CADM2: variants seen among roughly 807,000 people sequenced by gnomAD.
CADM2 encodes the protein immunoglobulin superfamily member 4D.
In CADM2, 12 loss-of-function variants were observed where a neutral mutation model predicts 49.8. The ratio of observed to expected loss-of-function variants is 0.24; its 90% CI spans 0.15 to 0.39. The LOEUF is 0.39. CADM2 is among the 10% of genes least tolerant of loss of function. The probability of loss-of-function intolerance (pLI) is 1.00; values close to 1 mark genes in which losing one functional copy is unlikely to be tolerated. For synonymous variants in CADM2, 214 were observed against 175.4 expected, an observed-to-expected ratio of 1.22 and a Z score of -1.74; for missense variants, 378 against 492.3, an observed-to-expected ratio of 0.77 and a Z score of 2.20.
At chr3:85,562,478 C>CAAAA (rs10533481) in intron 1 of CADM2, among the ~76,000 whole-genome samples, 3 of 65,502 alleles carry the variant, frequency 4.6e-5, no homozygotes, top group African/African-American at 1.6e-4. Context: ...AACTCCATCT[C>CAAAA]AAAAAAAAAA....
At chr3:85,616,834 G>T (rs1235272000) in intron 1 of CADM2, among the ~76,000 whole-genome samples, 1 of 152,152 alleles carries the variant, frequency 6.6e-6, no homozygotes, top group Non-Finnish European at 1.5e-5. Context: ...AGGGGAACCT[G>T]TTATTCTATT....
At chr3:85,440,339 G>A (rs1484253952) in intron 1 of CADM2, among the ~76,000 whole-genome samples, 1 of 152,168 alleles carries the variant, frequency 6.6e-6, no homozygotes, top group African/African-American at 2.4e-5. Context: ...AGAACAGGCA[G>A]TACTTAACCT....
chr3:85,759,083 TCAAA>T (rs1411349805), intron 2 of CADM2, among the ~76,000 whole-genome samples: 3 of 151,948 alleles, frequency 2.0e-5, no homozygotes, highest in African/African-American at 4.8e-5. Context: ...AGAGAGGGAA[TCAAA>T]CAGAGGCTGA....
At position 85,616,444 on chromosome 3, in the gene CADM2, A is replaced by T. The variant is rs187334966; in HGVS notation, c.62-110078A>T. 3.9e-3 allele frequency among the ~76,000 whole-genome samples: 594 copies of T among 152,254 alleles called. 3 individuals carry two copies. Among genetic ancestry groups the T allele is most frequent in the African/African-American group, 0.013 (532 of 41,568 alleles). ...TACAAAGATATGTCTCTCTGGTTAA[A>T]TTGAATGGTTATAATTATGAAATTT... On this transcript the variant is annotated intron_variant, in intron 1 of 9. Coordinates refer to ENST00000383699, the MANE Select transcript of CADM2 (RefSeq NM_001167675.2).
At position 86,014,707 on chromosome 3, in the gene CADM2, A is replaced by G. The variant is rs1731987871; in HGVS notation, c.971-50898A>G. The G allele has an allele frequency of 2.0e-6, 3 of 1,524,446 alleles. No individual in the cohort carries two copies. In the South Asian group the frequency reaches 3.9e-5, roughly 20 times the overall value. 94.4% of individuals were successfully genotyped at this position (1,524,446 alleles called of 1,614,324 possible). ...AAATTCAATACACCGGAGGAACACC[A>G]TGCTGACATGTGTAGAAGTGACTTA... On this transcript the variant is annotated intron_variant, in intron 8 of 9. Coordinates refer to ENST00000383699, the MANE Select transcript of CADM2 (RefSeq NM_001167675.2).
intron 1 of CADM2, among the ~76,000 whole-genome samples, chr3:85,194,940 TA>T (rs2041305217): frequency 6.6e-6 from 1 of 152,076 alleles, no homozygotes; most frequent in African/African-American, 2.4e-5. Context: ...ACTCCTGGGC[TA>T]AAGCAATCCT....
intron 1 of CADM2, among the ~76,000 whole-genome samples, chr3:85,718,578 T>C (rs2067379841): frequency 6.6e-6 from 1 of 152,088 alleles, no homozygotes; most frequent in Non-Finnish European, 1.5e-5. Context: ...ACTCATGAAC[T>C]TTAAAGAGAT....
chr3:85,287,988 C>A (rs1013263318), intron 1 of CADM2, among the ~76,000 whole-genome samples: 1 of 151,366 alleles, frequency 6.6e-6, no homozygotes, highest in Non-Finnish European at 1.5e-5. Context: ...AGGAGATATA[C>A]CTAATGTAAA....
In CADM2 at chr3:85,883,577, T is replaced by C. The variant is rs1244230938; in HGVS notation, c.391+134T>C. ...ATGGTTTAATCCTTTCTCTGCTACA[T>C]TTTAACACAGGCGTTTTAAAATCAT... On this transcript the variant is annotated intron_variant, in intron 4 of 9. Coordinates refer to ENST00000383699, the MANE Select transcript of CADM2 (RefSeq NM_001167675.2). 4.0e-6 allele frequency: 3 copies of C among 741,668 alleles called. No individual in the cohort carries two copies. In the Admixed American group the frequency reaches 1.1e-4, roughly 28 times the overall value. The allele number at this position is 741,668 out of a possible 1,614,324, so 45.9% of individuals were successfully genotyped here. A position where few individuals can be genotyped will look rare whatever the true frequency, so the allele number is the denominator to read the frequency against.
chr3:85,395,693 C>G (rs2034750893), intron 1 of CADM2, among the ~76,000 whole-genome samples: 1 of 151,866 alleles, frequency 6.6e-6, no homozygotes, highest in South Asian at 2.1e-4. Context: ...TGAAAAAGCC[C>G]CTTGTGGCTA....
intron 1 of CADM2, among the ~76,000 whole-genome samples, chr3:85,481,670 A>T (rs1298437028): frequency 1.3e-5 from 2 of 151,728 alleles, no homozygotes; most frequent in African/African-American, 4.8e-5. Flanking sequence ...GATTTTAGAG[A>T]AGAAAAGCAT....
intron 1 of CADM2, among the ~76,000 whole-genome samples, chr3:85,072,633 G>T (rs142232452): frequency 2.0e-5 from 3 of 152,096 alleles, no homozygotes; most frequent in Admixed American, 1.3e-4. Context: ...ACTAATAGTG[G>T]CTTTGTGCAT....
chr3:85,816,158 G>T (rs1289942913), intron 3 of CADM2, among the ~76,000 whole-genome samples: 1 of 150,290 alleles, frequency 6.7e-6, no homozygotes, highest in Non-Finnish European at 1.5e-5. Context: ...ATTTGCATCA[G>T]ACTTTTATAG....
intron 1 of CADM2, among the ~76,000 whole-genome samples, chr3:85,182,758 G>A (rs565932187): frequency 2.0e-5 from 3 of 152,160 alleles, no homozygotes; most frequent in Middle Eastern, 3.4e-3. Context: ...TAAGGATTAT[G>A]AATTAAAATT....
intron 1 of CADM2, among the ~76,000 whole-genome samples, chr3:85,512,819 A>G (rs1210958950): frequency 1.3e-5 from 2 of 152,046 alleles, no homozygotes; most frequent in African/African-American, 2.4e-5. Context: ...CATTCTGAAG[A>G]TTAGTTAAAA....
chr3:85,950,801 A>C (rs1723339300), intron 7 of CADM2, among the ~76,000 whole-genome samples: 1 of 151,116 alleles, frequency 6.6e-6, no homozygotes, highest in Non-Finnish European at 1.5e-5. Context: ...CTGTAAAGCT[A>C]ACCGATAATG....
chr3:85,455,148 A>G (rs1208881514), intron 1 of CADM2, among the ~76,000 whole-genome samples: 1 of 152,220 alleles, frequency 6.6e-6, no homozygotes, highest in Non-Finnish European at 1.5e-5. Flanking sequence ...GTTCAAGAGG[A>G]TAATCTACCT....
intron 1 of CADM2, among the ~76,000 whole-genome samples, chr3:85,388,577 C>T (rs2034362656): frequency 1.3e-5 from 2 of 152,038 alleles, no homozygotes; most frequent in Non-Finnish European, 1.5e-5. Flanking sequence ...TGGCAATACT[C>T]CTCATTTTAA....
intron 1 of CADM2, among the ~76,000 whole-genome samples, chr3:85,034,983 A>C (rs1274276988): frequency 6.6e-6 from 1 of 151,394 alleles, no homozygotes; most frequent in Non-Finnish European, 1.5e-5. Context: ...TTGTATTTTT[A>C]GTAGAGACGG....
Sources: gnomAD v4.1 joint callset for allele counts (sites outside exome capture counted in the v4.1 genomes callset) on GRCh38, gnomAD v4.1.1 for gene constraint, MANE v1.5 for transcripts, NCBI Gene and HGNC (gene_info 2026-07-23, HGNC 2026-07-21) for gene names.